DLGAP2: variants seen among roughly 807,000 people sequenced by gnomAD.
DLGAP2 encodes the protein DLG associated protein 2, also known as disks large-associated protein 2.
A neutral mutation model predicts 100.3 loss-of-function variants in DLGAP2; 26 were observed. The ratio of observed to expected loss-of-function variants is 0.26; its 90% CI spans 0.19 to 0.36. DLGAP2 has a LOEUF of 0.36. DLGAP2 is among the 10% of genes least tolerant of loss of function. The pLI is 1.00. For synonymous variants in DLGAP2, 886 were observed against 630.1 expected (o/e 1.41, Z -6.08); for missense variants, 1,858 against 1,453.2 (o/e 1.28, Z -4.53).
rs559865795 is a variant in DLGAP2 at position 767,836 on chromosome 8, T to C, written c.18+30011T>C. 3.9e-5 allele frequency among the ~76,000 whole-genome samples: 6 copies of C among 152,322 alleles called. 1 individual carries two copies. In the South Asian group the frequency reaches 8.3e-4, roughly 21 times the overall value. Reference sequence around the variant, plus strand: ...AATTAGCAACTGATAGCAAGGTTTTTATCAAATTCAGTAAACTTGACCCTC... The same window carrying C: ...AATTAGCAACTGATAGCAAGGTTTTCATCAAATTCAGTAAACTTGACCCTC... On this transcript the variant is annotated intron_variant, in intron 1 of 14. Transcript: ENST00000637795.
intron 2 of DLGAP2, among the ~76,000 whole-genome samples, chr8:1,175,014 G>A (rs897076789): frequency 1.3e-5 from 2 of 152,072 alleles, no homozygotes; most frequent in Non-Finnish European, 2.9e-5. Context: ...TATAAAAGTA[G>A]TCAGATGACA....
At chr8:900,241 G>A (rs1286912748) in intron 1 of DLGAP2, among the ~76,000 whole-genome samples, 1 of 149,872 alleles carries the variant, frequency 6.7e-6, no homozygotes, top group Non-Finnish European at 1.5e-5. Flanking sequence ...TGCTCTTCAG[G>A]GCATTGCTCC....
At chr8:1,136,632 A>G (rs1331466286) in intron 2 of DLGAP2, among the ~76,000 whole-genome samples, 5 of 152,188 alleles carry the variant, frequency 3.3e-5, no homozygotes, top group East Asian at 3.9e-4. Flanking sequence ...ACACATGACT[A>G]TGCTCAGTAA....
chr8:1,599,361 T>C (rs980869751), intron 6 of DLGAP2, among the ~76,000 whole-genome samples: 6 of 152,224 alleles, frequency 3.9e-5, no homozygotes, highest in African/African-American at 7.2e-5. Context: ...TGGAGAGTTA[T>C]GTAGATGTCA....
intron 4 of DLGAP2, among the ~76,000 whole-genome samples, chr8:1,528,971 G>T (rs1800889448): frequency 6.6e-6 from 1 of 152,156 alleles, no homozygotes; most frequent in Non-Finnish European, 1.5e-5. Context: ...TTCCTAAAAT[G>T]TTCACGTGAT....
intron 2 of DLGAP2, among the ~76,000 whole-genome samples, chr8:1,153,274 T>A (rs896015458): frequency 2.6e-5 from 4 of 152,220 alleles, no homozygotes; most frequent in African/African-American, 9.6e-5. Context: ...GGGGTCATTT[T>A]CTTCGGAAGG....
At chr8:973,888 T>TCCGCCACCG (rs1354300269) in intron 2 of DLGAP2, among the ~76,000 whole-genome samples, 1 of 139,020 alleles carries the variant, frequency 7.2e-6, no homozygotes, top group Non-Finnish European at 1.5e-5. Flanking sequence ...CTTCCCCTCC[T>TCCGCCACCG]CCGCCACCGC....
intron 1 of DLGAP2, among the ~76,000 whole-genome samples, chr8:839,760 G>A (rs967250833): frequency 2.0e-5 from 3 of 152,134 alleles, no homozygotes; most frequent in Non-Finnish European, 2.9e-5. Context: ...TTTATTCACC[G>A]TTTCATCACC....
At chr8:1,055,425 C>G (rs1802850324) in intron 2 of DLGAP2, among the ~76,000 whole-genome samples, 1 of 152,198 alleles carries the variant, frequency 6.6e-6, no homozygotes, top group Admixed American at 6.5e-5. Flanking sequence ...AATAAGATAT[C>G]TAGGTTCCTT....
Position 1,548,882 on chromosome 8 carries a change from G to A in DLGAP2, c.429G>A (p.Ser143=). 5 of 1,595,520 alleles carry A rather than the reference G, an allele frequency of 3.1e-6. No homozygotes were observed. Among genetic ancestry groups the A allele is most frequent in the Admixed American group, 1.7e-5 (1 of 59,722 alleles). ...HRCSPRSSVH[S]ECVMMPVVLG... ...GCTCGCCGCGCAGCTCGGTGCACTC[G>A]GAGTGCGTGATGATGCCGGTGGTGC... is the stretch of plus-strand genomic sequence containing the variant. Residue 143 remains serine, a synonymous_variant, in exon 5 of 15, where the codon TCG becomes TCA. Coordinates refer to ENST00000637795, the MANE Select transcript of DLGAP2 (RefSeq NM_001346810.2).
intron 1 of DLGAP2, among the ~76,000 whole-genome samples, chr8:744,825 C>G (rs575523146): frequency 6.6e-6 from 1 of 152,346 alleles, no homozygotes; most frequent in East Asian, 1.9e-4. Flanking sequence ...TCTGTTCTCT[C>G]AAACCTAGTT....
At chr8:866,148 G>A (rs914501132) in intron 1 of DLGAP2, among the ~76,000 whole-genome samples, 3 of 152,228 alleles carry the variant, frequency 2.0e-5, no homozygotes, top group South Asian at 2.1e-4. Flanking sequence ...CCTGCAGCAC[G>A]GTTGGCCGGG....
intron 3 of DLGAP2, among the ~76,000 whole-genome samples, chr8:1,487,795 C>T (rs993935066): frequency 2.6e-5 from 4 of 152,170 alleles, no homozygotes; most frequent in African/African-American, 7.2e-5. Flanking sequence ...AAGGGCTGGT[C>T]GAGTACGAGT....
intron 2 of DLGAP2, among the ~76,000 whole-genome samples, chr8:1,068,083 G>A (rs920234294): frequency 6.6e-6 from 1 of 152,136 alleles, no homozygotes; most frequent in Admixed American, 6.5e-5. Flanking sequence ...AATGGGCTTC[G>A]TTCACTTTGT....
intron 1 of DLGAP2, among the ~76,000 whole-genome samples, chr8:882,056 C>T (rs117555567): frequency 0.013 from 2,002 of 152,272 alleles, 17 homozygotes; most frequent in Middle Eastern, 0.02. Flanking sequence ...GAATTGTGTG[C>T]CATTGGTCAC....
At chr8:1,445,562 G>C (rs1299847842) in intron 3 of DLGAP2, among the ~76,000 whole-genome samples, 3 of 152,124 alleles carry the variant, frequency 2.0e-5, no homozygotes, top group African/African-American at 4.8e-5. Flanking sequence ...GCGTGCACGT[G>C]TCTTTATAGC....
chr8:1,333,564 C>T (rs936119356), intron 3 of DLGAP2, among the ~76,000 whole-genome samples: 2 of 152,124 alleles, frequency 1.3e-5, no homozygotes, highest in Non-Finnish European at 2.9e-5. Flanking sequence ...TTCATCCGGA[C>T]ACCTCCATTG....
intron 7 of DLGAP2, among the ~76,000 whole-genome samples, chr8:1,629,443 A>G (rs1395282199): frequency 6.6e-6 from 1 of 152,228 alleles, no homozygotes; most frequent in African/African-American, 2.4e-5. Context: ...CCTGCAAACA[A>G]TAACATCAAC....
At chr8:934,706 C>T (rs775221531) in intron 2 of DLGAP2, among the ~76,000 whole-genome samples, 10 of 152,070 alleles carry the variant, frequency 6.6e-5, no homozygotes, top group Non-Finnish European at 1.5e-4. Flanking sequence ...TGCTCATGAG[C>T]TCAGGGAGGC....
Sources: gnomAD v4.1 joint callset for allele counts (sites outside exome capture counted in the v4.1 genomes callset) on GRCh38, gnomAD v4.1.1 for gene constraint, MANE v1.5 for transcripts, NCBI Gene and HGNC (gene_info 2026-07-23, HGNC 2026-07-21) for gene names.